The following CDH13 variants were observed in gnomAD, a reference collection of about 807,000 sequenced individuals.
CDH13 encodes the protein cadherin-13.
Under a neutral mutation model 63.8 loss-of-function variants are expected in CDH13, and 24 were observed. That is an observed-to-expected ratio of 0.38 (90% confidence interval 0.27 to 0.53). The LOEUF is 0.53. CDH13 is among the 20% of genes least tolerant of loss of function. The pLI, the probability that CDH13 is intolerant of heterozygous loss-of-function variation, is 0.85. For missense variants in CDH13, 1,049 were observed against 903.1 expected (o/e 1.16, Z -2.07); for synonymous variants, 503 against 355.3 (o/e 1.42, Z -4.67).
intron 1 of CDH13, among the ~76,000 whole-genome samples, chr16:82,793,861 TC>T (rs2036442678): frequency 1.3e-5 from 2 of 152,244 alleles, no homozygotes; most frequent in Middle Eastern, 3.4e-3. Context: ...CTCAGAATTT[TC>T]CCCTTGCAGT....
chr16:82,919,501 G>C (rs2042090409), intron 2 of CDH13, among the ~76,000 whole-genome samples: 1 of 152,216 alleles, frequency 6.6e-6, no homozygotes, highest in Non-Finnish European at 1.5e-5. Flanking sequence ...AAGGATGATG[G>C]CCTCCAGCTC....
At chr16:83,033,513 C>G (rs1319417726) in intron 3 of CDH13, among the ~76,000 whole-genome samples, 6 of 152,148 alleles carry the variant, frequency 3.9e-5, no homozygotes, top group Admixed American at 2.6e-4. Context: ...TGCGCATATA[C>G]TGTGTATATG....
intron 6 of CDH13, among the ~76,000 whole-genome samples, chr16:83,394,225 T>C (rs920285458): frequency 6.6e-6 from 1 of 151,478 alleles, no homozygotes; most frequent in Non-Finnish European, 1.5e-5. Context: ...AAACTGCACA[T>C]GTACCCCTGA....
intron 6 of CDH13, among the ~76,000 whole-genome samples, chr16:83,379,426 G>C (rs989740441): frequency 6.6e-6 from 1 of 152,150 alleles, no homozygotes; most frequent in African/African-American, 2.4e-5. Flanking sequence ...TGGATGGTAA[G>C]GTTATTGAAT....
At chr16:83,542,773 C>A (rs959847649) in intron 7 of CDH13, among the ~76,000 whole-genome samples, 2 of 152,190 alleles carry the variant, frequency 1.3e-5, no homozygotes, top group African/African-American at 4.8e-5. Flanking sequence ...CATTGTTTTC[C>A]TTGTCTGAAC....
chr16:83,400,961 T>A (rs1048149002), intron 6 of CDH13, among the ~76,000 whole-genome samples: 1 of 150,662 alleles, frequency 6.6e-6, no homozygotes, highest in African/African-American at 2.4e-5. Context: ...CCAAGCACTT[T>A]GGCAGACGGA....
intron 1 of CDH13, among the ~76,000 whole-genome samples, chr16:82,810,488 G>C (rs1317929480): frequency 6.6e-6 from 1 of 152,166 alleles, no homozygotes; most frequent in Non-Finnish European, 1.5e-5. Flanking sequence ...GGATCCATTA[G>C]TAAGTTCCAC....
rs1223498558 is a variant in CDH13 at position 83,796,552 on chromosome 16, G to A, written c.*1522G>A. 1 of 152,204 alleles carries A rather than the reference G, an allele frequency of 6.6e-6. No homozygotes were observed. Among genetic ancestry groups the A allele is most frequent in the African/African-American group, 2.4e-5 (1 of 41,452 alleles). 9.4% of individuals were successfully genotyped at this position (152,204 alleles called of 1,614,324 possible). A position where few individuals can be genotyped will look rare whatever the true frequency, so the allele number is the denominator to read the frequency against. On this transcript the variant is annotated 3_prime_UTR_variant, in exon 14 of 14. Transcript: ENST00000567109. ...ATCCTTTTGGAACATATAGAATGCA[G>A]AGATTTTTTTTTCCATTAAAATAAA... is the stretch of plus-strand genomic sequence containing the variant.
At chr16:83,722,474 C>G (rs1463785991) in intron 10 of CDH13, among the ~76,000 whole-genome samples, 1 of 152,170 alleles carries the variant, frequency 6.6e-6, no homozygotes, top group African/African-American at 2.4e-5. Context: ...TAACTCGAAA[C>G]TGGCCACATT....
chr16:83,364,535 C>G (rs1185666980), intron 6 of CDH13, among the ~76,000 whole-genome samples: 2 of 152,142 alleles, frequency 1.3e-5, no homozygotes, highest in Non-Finnish European at 1.5e-5. Context: ...GTGAACCTGT[C>G]TATATAAAAT....
intron 8 of CDH13, among the ~76,000 whole-genome samples, chr16:83,633,872 G>C (rs937149677): frequency 2.6e-5 from 4 of 152,114 alleles, no homozygotes; most frequent in African/African-American, 9.7e-5. Flanking sequence ...TGTGATCCCA[G>C]AATGCATCAT....
At chr16:82,634,184 G>A (rs556515079) in intron 1 of CDH13, among the ~76,000 whole-genome samples, 2 of 152,254 alleles carry the variant, frequency 1.3e-5, no homozygotes, top group Non-Finnish European at 2.9e-5. Flanking sequence ...GCAGGGCCCG[G>A]AAATGAGCTC....
chr16:83,703,458 A>AT (rs1323720178), intron 10 of CDH13, among the ~76,000 whole-genome samples: 1 of 152,256 alleles, frequency 6.6e-6, no homozygotes, highest in Non-Finnish European at 1.5e-5. Flanking sequence ...AGTGATTAAA[A>AT]TTTTTGAAGC....
chr16:82,632,664 A>G (rs1295589441), intron 1 of CDH13, among the ~76,000 whole-genome samples: 2 of 152,218 alleles, frequency 1.3e-5, no homozygotes, highest in Non-Finnish European at 2.9e-5. Context: ...TTTTGGTACC[A>G]GGGACCGGTT....
chr16:83,431,286 A>G (rs777026991), intron 6 of CDH13, among the ~76,000 whole-genome samples: 1 of 151,924 alleles, frequency 6.6e-6, no homozygotes, highest in Non-Finnish European at 1.5e-5. Flanking sequence ...ATACGTACAC[A>G]CCAGTTCTTA....
At chr16:82,708,344 T>G (rs1289137453) in intron 1 of CDH13, among the ~76,000 whole-genome samples, 1 of 152,234 alleles carries the variant, frequency 6.6e-6, no homozygotes, top group South Asian at 2.1e-4. Flanking sequence ...ACTATAAAAG[T>G]GCAAATAGGG....
intron 7 of CDH13, among the ~76,000 whole-genome samples, chr16:83,500,266 TC>T (rs1386292240): frequency 0.015 from 48 of 3,242 alleles, 9 homozygotes; most frequent in African/African-American, 0.016. Flanking sequence ...TTCTTCTTCT[TC>T]TTCTTCTTCT....
chr16:83,139,573 A>C (rs1025524012), intron 4 of CDH13, among the ~76,000 whole-genome samples: 1 of 152,140 alleles, frequency 6.6e-6, no homozygotes, highest in African/African-American at 2.4e-5. Flanking sequence ...TGTTATTTGC[A>C]TCTGGAAATC....
chr16:83,785,143 AG>A (rs1369555527), intron 13 of CDH13, among the ~76,000 whole-genome samples: 1 of 152,228 alleles, frequency 6.6e-6, no homozygotes, highest in African/African-American at 2.4e-5. Flanking sequence ...GGTGGTCCAG[AG>A]GAGTTTGTAT....
Sources: gnomAD v4.1 joint callset for allele counts (sites outside exome capture counted in the v4.1 genomes callset) on GRCh38, gnomAD v4.1.1 for gene constraint, MANE v1.5 for transcripts, NCBI Gene and HGNC (gene_info 2026-07-23, HGNC 2026-07-21) for gene names.